The following KIAA1217 variants were observed in gnomAD, a reference collection of about 807,000 sequenced individuals.
KIAA1217 encodes KIAA1217, also known as sickle tail protein homolog.
Under a neutral mutation model 163.9 loss-of-function variants are expected in KIAA1217, and 88 were observed. The observed-to-expected ratio is 0.54, with a 90% confidence interval of 0.45 to 0.64. The LOEUF (loss-of-function observed/expected upper bound fraction) is 0.64, where lower values mean the gene tolerates loss of function less well. Among genes scored for constraint, KIAA1217 ranks in the 30% least tolerant of loss-of-function variants. The pLI is 0.00. For missense variants in KIAA1217, 2,372 were observed against 2,475.0 expected (o/e 0.96, Z 0.88); for synonymous variants, 903 against 923.1 (o/e 0.98, Z 0.39).
chr10:24,046,255 C>T (rs1447850642), intron 2 of KIAA1217, among the ~76,000 whole-genome samples: 1 of 152,014 alleles, frequency 6.6e-6, no homozygotes, highest in Admixed American at 6.6e-5. Context: ...GACGATGATA[C>T]CTAACCTCTA....
chr10:24,215,046 T>A (rs568463504), intron 1 of KIAA1217, among the ~76,000 whole-genome samples: 2 of 152,344 alleles, frequency 1.3e-5, no homozygotes, highest in South Asian at 4.1e-4. Flanking sequence ...CCATCTTCCA[T>A]GAGCCTCTGC....
chr10:24,173,362 T>A (rs529794520), intron 2 of KIAA1217, among the ~76,000 whole-genome samples: 50 of 152,262 alleles, frequency 3.3e-4, no homozygotes, highest in African/African-American at 1.2e-3. Flanking sequence ...TATTACAATG[T>A]AATAATAATA....
chr10:23,777,169 G>A (rs942739458), intron 1 of KIAA1217, among the ~76,000 whole-genome samples: 1 of 152,172 alleles, frequency 6.6e-6, no homozygotes, highest in Non-Finnish European at 1.5e-5. Context: ...AGAGAAATGA[G>A]GTCAGTGCTC....
intron 3 of KIAA1217, among the ~76,000 whole-genome samples, chr10:24,407,451 G>C (rs2057346642): frequency 6.6e-6 from 1 of 152,074 alleles, no homozygotes; most frequent in Non-Finnish European, 1.5e-5. Flanking sequence ...ACACCATCAA[G>C]CTCAACTGAT....
intron 1 of KIAA1217, among the ~76,000 whole-genome samples, chr10:23,735,992 T>C (rs1838776028): frequency 6.6e-6 from 1 of 152,184 alleles, no homozygotes; most frequent in Non-Finnish European, 1.5e-5. Context: ...TAGGCATACA[T>C]TTACATTTTA....
intron 1 of KIAA1217, among the ~76,000 whole-genome samples, chr10:23,890,385 T>C (rs1057081476): frequency 6.6e-6 from 1 of 151,800 alleles, no homozygotes; most frequent in Admixed American, 6.6e-5. Context: ...TTCTGAGCAA[T>C]GCTTTATCTG....
At chr10:24,521,042 G>GTT (rs35646554) in intron 11 of KIAA1217, among the ~76,000 whole-genome samples, 75 of 111,410 alleles carry the variant, frequency 6.7e-4, no homozygotes, top group African/African-American at 1.5e-3. Flanking sequence ...AAAAAAAAAA[G>GTT]TTTTTTTTTT....
At chr10:23,929,888 T>A (rs1843186552) in intron 1 of KIAA1217, among the ~76,000 whole-genome samples, 1 of 152,200 alleles carries the variant, frequency 6.6e-6, no homozygotes, top group Admixed American at 6.5e-5. Flanking sequence ...GGAGCTGATT[T>A]CCACAACGGC....
At chr10:24,052,860 T>TA (rs1315613817) in intron 2 of KIAA1217, among the ~76,000 whole-genome samples, 1 of 152,162 alleles carries the variant, frequency 6.6e-6, no homozygotes, top group Non-Finnish European at 1.5e-5. Context: ...CGAGCCTCTC[T>TA]AGCTATCAAT....
intron 1 of KIAA1217, among the ~76,000 whole-genome samples, chr10:23,774,021 C>T (rs1412234500): frequency 2.0e-5 from 3 of 152,172 alleles, no homozygotes; most frequent in Non-Finnish European, 4.4e-5. Flanking sequence ...TGAGGGAGGG[C>T]ATCCCTGTCT....
intron 1 of KIAA1217, among the ~76,000 whole-genome samples, chr10:23,774,071 A>G (rs1227968134): frequency 6.6e-6 from 1 of 152,224 alleles, no homozygotes; most frequent in East Asian, 1.9e-4. Flanking sequence ...GTTTTTGCCC[A>G]TTCAGTAAGA....
chr10:24,340,454 G>A (rs1356484926), intron 2 of KIAA1217, among the ~76,000 whole-genome samples: 2 of 152,130 alleles, frequency 1.3e-5, no homozygotes, highest in Non-Finnish European at 1.5e-5. Flanking sequence ...TGATTGTGAG[G>A]CCTCCCCAAC....
chr10:23,751,754 T>C (rs555691341), intron 1 of KIAA1217, among the ~76,000 whole-genome samples: 17 of 152,322 alleles, frequency 1.1e-4, no homozygotes, highest in African/African-American at 3.6e-4. Context: ...TTTTCTTTAC[T>C]GTATTTTAAG....
At chr10:23,918,294 C>A (rs1842706844) in intron 1 of KIAA1217, among the ~76,000 whole-genome samples, 1 of 151,854 alleles carries the variant, frequency 6.6e-6, no homozygotes, top group South Asian at 2.1e-4. Flanking sequence ...TGTGCCCTAC[C>A]CTTATCCCAC....
chr10:24,046,986 C>A (rs1035631729), intron 2 of KIAA1217, among the ~76,000 whole-genome samples: 3 of 152,164 alleles, frequency 2.0e-5, no homozygotes, highest in African/African-American at 7.2e-5. Flanking sequence ...CTCTGCAATT[C>A]AGAATAAGCT....
chr10:23,958,418 T>C (rs1001893189), intron 1 of KIAA1217, among the ~76,000 whole-genome samples: 1 of 152,164 alleles, frequency 6.6e-6, no homozygotes, highest in Non-Finnish European at 1.5e-5. Flanking sequence ...ATTTTAGCAG[T>C]GCTTTATAGG....
intron 1 of KIAA1217, among the ~76,000 whole-genome samples, chr10:23,889,786 T>C (rs1841344090): frequency 6.6e-6 from 1 of 151,894 alleles, no homozygotes; most frequent in Admixed American, 6.6e-5. Context: ...TTTCCATCCT[T>C]GTTTTGTTCA....
At chr10:23,946,554 T>C (rs1844057638) in intron 1 of KIAA1217, among the ~76,000 whole-genome samples, 1 of 152,180 alleles carries the variant, frequency 6.6e-6, no homozygotes, top group African/African-American at 2.4e-5. Flanking sequence ...GTCTTTACCT[T>C]CCAGAGAAAT....
intron 2 of KIAA1217, among the ~76,000 whole-genome samples, chr10:24,113,519 G>A (rs913205015): frequency 6.6e-6 from 1 of 152,190 alleles, no homozygotes; most frequent in Admixed American, 6.5e-5. Flanking sequence ...GAAGATGACA[G>A]CATCCACTCT....
Sources: gnomAD v4.1 joint callset for allele counts (sites outside exome capture counted in the v4.1 genomes callset) on GRCh38, gnomAD v4.1.1 for gene constraint, MANE v1.5 for transcripts, NCBI Gene and HGNC (gene_info 2026-07-23, HGNC 2026-07-21) for gene names.